The following NDP variants were observed in gnomAD, a reference collection of about 807,000 sequenced individuals.
NDP encodes the protein norrin.
NDP carries 2 observed loss-of-function variants against 8.4 expected under a neutral mutation model. The observed-to-expected ratio is 0.24, with a 90% confidence interval of 0.10 to 0.75. The LOEUF is 0.75. NDP is among the 30% of genes least tolerant of loss of function. The pLI, the probability that NDP is intolerant of heterozygous loss-of-function variation, is 0.73. For synonymous variants in NDP, 55 were observed against 45.6 expected (o/e 1.21, Z -0.83); for missense variants, 81 against 110.1 (o/e 0.74, Z 1.18).
intron 1 of NDP, among the ~76,000 whole-genome samples, chrX:43,963,309 C>G (rs2035837274): frequency 1.9e-5 from 2 of 103,655 alleles, no homozygotes; most frequent in Admixed American, 2.2e-4. Context: ...CTCACTGACT[C>G]TGCAGGCAGA....
intron 1 of NDP, among the ~76,000 whole-genome samples, chrX:43,972,641 T>A (rs1311955237): frequency 9.0e-6 from 1 of 111,285 alleles, no homozygotes; most frequent in African/African-American, 3.3e-5. Context: ...ATCAAAATCA[T>A]ACAGTAAATC....
chrX:43,967,174 T>C (rs752042265), intron 1 of NDP, among the ~76,000 whole-genome samples: 2 of 111,453 alleles, frequency 1.8e-5, no homozygotes, highest in South Asian at 7.6e-4. Context: ...GTCTTTTGAC[T>C]GCCAGCTTCC....
intron 1 of NDP, among the ~76,000 whole-genome samples, chrX:43,972,347 T>C (rs959321666): frequency 9.0e-6 from 1 of 111,221 alleles, no homozygotes; most frequent in Admixed American, 9.6e-5. Context: ...TAACATTCTG[T>C]ACACAATCAA....
At chrX:43,954,340 G>A (rs942141096) in intron 2 of NDP, among the ~76,000 whole-genome samples, 1 of 110,757 alleles carries the variant, frequency 9.0e-6, no homozygotes, top group Non-Finnish European at 1.9e-5. Context: ...CTTTGAAAGG[G>A]TGGATGGGAA....
rs2035745102 is a variant in NDP, at chrX:43,949,037, T to C, written c.*762A>G. The C allele has an allele frequency of 8.9e-6, 1 of 112,738 alleles. No homozygotes were observed. Among genetic ancestry groups the C allele is most frequent in the Admixed American group, 9.3e-5 (1 of 10,713 alleles). 9.3% of individuals were successfully genotyped at this position (112,738 alleles called of 1,213,427 possible). A position where few individuals can be genotyped will look rare whatever the true frequency, so the allele number is the denominator to read the frequency against. On this transcript the variant is annotated 3_prime_UTR_variant, in exon 3 of 3. Transcript: ENST00000642620. ...ATTCTCCATGCCACTAGTACATATA[T>C]GCCTTTTCCAGAGTCAGTGCAGGAT...
chrX:43,954,230 A>G (rs983440813), intron 2 of NDP, among the ~76,000 whole-genome samples: 2 of 111,328 alleles, frequency 1.8e-5, no homozygotes, highest in Non-Finnish European at 3.8e-5. Flanking sequence ...AACTCCGCTC[A>G]TCTTCAGGGA....
intron 1 of NDP, among the ~76,000 whole-genome samples, chrX:43,970,890 G>A (rs904184891): frequency 2.7e-5 from 3 of 111,654 alleles, no homozygotes; most frequent in Non-Finnish European, 5.6e-5. Context: ...GTCTTTTTCC[G>A]GGATTCTTCT....
intron 1 of NDP, among the ~76,000 whole-genome samples, chrX:43,964,184 T>C (rs2035843582): frequency 9.0e-6 from 1 of 111,590 alleles, no homozygotes; most frequent in Admixed American, 9.5e-5. Context: ...CAGTCTGTGA[T>C]AGGACTCTGT....
chrX:43,973,021 T>G (rs1490793227), intron 1 of NDP, among the ~76,000 whole-genome samples: 1 of 112,537 alleles, frequency 8.9e-6, no homozygotes, highest in Non-Finnish European at 1.9e-5. Flanking sequence ...CATCACAAAG[T>G]TACATCTAAC....
intron 1 of NDP, chrX:43,966,405 T>C (rs2035858107): frequency 8.9e-6 from 1 of 111,820 alleles, no homozygotes; most frequent in Admixed American, 9.4e-5. Context: ...TTTCAATTTT[T>C]TCAAATAGCA....
Position 43,956,912 on chromosome X carries a change from C to T in NDP, c.174+1560G>A, listed in dbSNP as rs763461496. Among the ~76,000 whole-genome samples the T allele has an allele frequency of 8.4e-4, 94 of 111,776 alleles. 1 individual carries two copies. The highest frequency in any genetic ancestry group is 3.0e-3 in the African/African-American group (91 of 30,813). On this transcript the variant is annotated intron_variant, in intron 2 of 2. Transcript: ENST00000642620. ...TGAGTTCATGATGTCTCTTCTTTGACCTTCGCTAGATTAATGTGATTGTTG... is the reference window on the plus strand; with the variant it reads ...TGAGTTCATGATGTCTCTTCTTTGATCTTCGCTAGATTAATGTGATTGTTG...
chrX:43,961,353 G>GA (rs1237772928), intron 1 of NDP, among the ~76,000 whole-genome samples: 2 of 112,664 alleles, frequency 1.8e-5, no homozygotes, highest in African/African-American at 3.2e-5. Flanking sequence ...GCACATGGCT[G>GA]AAATAGCATA....
intron 1 of NDP, among the ~76,000 whole-genome samples, chrX:43,961,759 G>A (rs209765): frequency 0.35 from 38,583 of 110,382 alleles, 5,146 homozygotes; most frequent in East Asian, 0.53. Flanking sequence ...GTGCCAGTTT[G>A]AGTATTTTAA....
At chrX:43,961,201 T>C (rs2035824397) in intron 1 of NDP, among the ~76,000 whole-genome samples, 1 of 112,686 alleles carries the variant, frequency 8.9e-6, no homozygotes, top group Non-Finnish European at 1.9e-5. Flanking sequence ...GGAAAACAAG[T>C]CCATTTTGGA....
At position 43,958,541 on chromosome X, in the gene NDP, G is replaced by A; in HGVS notation, c.105C>T (p.Asp35=). The change falls in exon 2 of 3, where the codon GAC becomes GAT. Residue 35 remains aspartate (D), a synonymous_variant. Coordinates refer to ENST00000642620, the MANE Select transcript of NDP (RefSeq NM_000266.4). ...KTDSSFIMDS[D]PRRCMRHHYV... is the part of the protein sequence containing the mutation. Reference sequence around the variant, plus strand: ...AGTGGTGCCTCATGCAGCGTCGAGGGTCCGAGTCCATTATGAATGAGCTGT... The same window carrying A: ...AGTGGTGCCTCATGCAGCGTCGAGGATCCGAGTCCATTATGAATGAGCTGT... 1 of 1,211,379 alleles carries A rather than the reference G, an allele frequency of 8.3e-7. No homozygotes were observed. Among genetic ancestry groups the A allele is most frequent in the South Asian group, 1.8e-5 (1 of 56,997 alleles).
intron 2 of NDP, among the ~76,000 whole-genome samples, chrX:43,951,667 T>TTTC (rs1464501589): frequency 8.9e-6 from 1 of 111,806 alleles, no homozygotes; most frequent in Non-Finnish European, 1.9e-5. Flanking sequence ...CCAGTCCATC[T>TTTC]TTCCAAAAGG....
At chrX:43,965,011 C>T (rs1016326128) in intron 1 of NDP, among the ~76,000 whole-genome samples, 1 of 112,215 alleles carries the variant, frequency 8.9e-6, no homozygotes, top group African/African-American at 3.2e-5. Flanking sequence ...AAGTATTTGC[C>T]CCTTGATGAA....
chrX:43,959,935 G>C (rs1159277843), intron 1 of NDP, among the ~76,000 whole-genome samples: 1 of 112,443 alleles, frequency 8.9e-6, no homozygotes, highest in Non-Finnish European at 1.9e-5. Context: ...CTCATGAACA[G>C]TCTGAATAAA....
intron 2 of NDP, among the ~76,000 whole-genome samples, chrX:43,953,115 A>G (rs1397996521): frequency 1.3e-5 from 1 of 78,829 alleles, no homozygotes; most frequent in African/African-American, 7.2e-5. Context: ...TTATTGAACC[A>G]TTGATGTTCT....
Sources: gnomAD v4.1 joint callset for allele counts (sites outside exome capture counted in the v4.1 genomes callset) on GRCh38, gnomAD v4.1.1 for gene constraint, MANE v1.5 for transcripts, NCBI Gene and HGNC (gene_info 2026-07-23, HGNC 2026-07-21) for gene names.